Variants in RTN1 observed in about 807,000 individuals in gnomAD.
RTN1 encodes reticulon-1.
Under a neutral mutation model 65.5 loss-of-function variants are expected in RTN1, and 25 were observed. The ratio of observed to expected loss-of-function variants is 0.38; its 90% confidence interval spans 0.28 to 0.53. The LOEUF is 0.53. RTN1 is among the 20% of genes least tolerant of loss of function. RTN1 has a pLI of 0.79. For synonymous variants in RTN1, 471 were observed against 447.6 expected, an observed-to-expected ratio of 1.05 and a Z score of -0.66; for missense variants, 983 against 1,025.4, an observed-to-expected ratio of 0.96 and a Z score of 0.57.
At chr14:59,658,988 A>G (rs578160857) in intron 3 of RTN1, among the ~76,000 whole-genome samples, 2 of 152,246 alleles carry the variant, frequency 1.3e-5, no homozygotes, top group South Asian at 4.2e-4. Flanking sequence ...GAACCGTGAA[A>G]AAAGGTTAGA....
In RTN1 at chr14:59,727,646, CT is replaced by C; in HGVS notation, c.1037del (p.Gln346ArgfsTer11). 1 of 1,606,398 alleles carries C rather than the reference CT, an allele frequency of 6.2e-7. No homozygotes were observed. The highest frequency in any genetic ancestry group is 8.5e-7 in the Non-Finnish European group (1 of 1,176,034). Reference sequence around the variant, plus strand: ...CATCCTCGGAGATGCTGCCTTTCCCCTGGGATTCTGCAGCAGATGGTTCTGT... The same window carrying C: ...CATCCTCGGAGATGCTGCCTTTCCCCGGGATTCTGCAGCAGATGGTTCTGT... ...SGTEPSAAES[Q>X]GKGSISEDEL... On this transcript the variant is annotated frameshift_variant, in exon 3 of 9. Coordinates refer to ENST00000267484, the MANE Select transcript of RTN1 (RefSeq NM_021136.3). LOFTEE classifies it high-confidence loss of function. The surrounding 1 kb of genome is among the most constrained non-coding windows in gnomAD (Gnocchi z 4.2).
chr14:59,714,838 C>A (rs1053067341), intron 3 of RTN1, among the ~76,000 whole-genome samples: 8 of 152,214 alleles, frequency 5.3e-5, no homozygotes, highest in African/African-American at 1.9e-4. Context: ...AGGAACTGGG[C>A]CACACAGCAG....
chr14:59,672,887 G>A (rs187295085), intron 3 of RTN1, among the ~76,000 whole-genome samples: 90 of 151,486 alleles, frequency 5.9e-4, no homozygotes, highest in African/African-American at 2.0e-3. Flanking sequence ...TGATCCACCC[G>A]CCTCGGCCTC....
chr14:59,812,001 T>C (rs574714649), intron 1 of RTN1, among the ~76,000 whole-genome samples: 5 of 152,204 alleles, frequency 3.3e-5, no homozygotes, highest in Admixed American at 6.5e-5. Context: ...CACTGTGAAA[T>C]AGCATTCACT....
At chr14:59,749,599 CTATCTATATATATTTATATAGA>C (rs1566712325) in intron 1 of RTN1, among the ~76,000 whole-genome samples, 1 of 21,996 alleles carries the variant, frequency 4.5e-5, no homozygotes, top group East Asian at 1.4e-3. Flanking sequence ...ATATATATAT[CTATCTATATATATTTATATAGA>C]TATCTATATA....
intron 1 of RTN1, among the ~76,000 whole-genome samples, chr14:59,804,894 A>G (rs1445195065): frequency 6.6e-6 from 1 of 152,228 alleles, no homozygotes; most frequent in East Asian, 1.9e-4. Context: ...GAAAGACATT[A>G]TGGTATTTAG....
At chr14:59,671,677 T>C (rs189577715) in intron 3 of RTN1, among the ~76,000 whole-genome samples, 18 of 152,312 alleles carry the variant, frequency 1.2e-4, no homozygotes, top group South Asian at 6.2e-4. Context: ...TACCACCTAC[T>C]GACACTTTCT....
intron 1 of RTN1, among the ~76,000 whole-genome samples, chr14:59,747,370 G>A (rs1885249399): frequency 6.6e-6 from 1 of 152,238 alleles, no homozygotes; most frequent in Non-Finnish European, 1.5e-5. Context: ...AGCACTTTGG[G>A]AGGCCGAGGC....
intron 3 of RTN1, among the ~76,000 whole-genome samples, chr14:59,673,728 G>A (rs1381798221): frequency 2.6e-5 from 4 of 152,132 alleles, no homozygotes; most frequent in Non-Finnish European, 5.9e-5. Context: ...TGGGCACAGA[G>A]GTCCTCGCTC....
chr14:59,597,521 T>G (rs1168702012), intron 8 of RTN1, among the ~76,000 whole-genome samples: 1 of 152,234 alleles, frequency 6.6e-6, no homozygotes, highest in Non-Finnish European at 1.5e-5. Flanking sequence ...GAGACCTCCC[T>G]CTGTGCCATG....
chr14:59,689,972 G>A (rs1335698862), intron 3 of RTN1, among the ~76,000 whole-genome samples: 1 of 128,496 alleles, frequency 7.8e-6, no homozygotes, highest in African/African-American at 2.8e-5. Context: ...TATTAATCTT[G>A]AATGTAATTT....
At chr14:59,824,991 G>A (rs1164321137) in intron 1 of RTN1, among the ~76,000 whole-genome samples, 1 of 152,176 alleles carries the variant, frequency 6.6e-6, no homozygotes, top group East Asian at 1.9e-4. Context: ...CTGGGGGAGC[G>A]AGGAAATGGA....
At chr14:59,755,185 C>G (rs1490652538) in intron 1 of RTN1, among the ~76,000 whole-genome samples, 1 of 151,894 alleles carries the variant, frequency 6.6e-6, no homozygotes, top group African/African-American at 2.4e-5. Flanking sequence ...AGAAAAAAAA[C>G]AACAAATTAT....
chr14:59,637,013 A>G (rs1048309857), intron 3 of RTN1, among the ~76,000 whole-genome samples: 5 of 152,250 alleles, frequency 3.3e-5, no homozygotes, highest in African/African-American at 1.2e-4. Context: ...AGACAGCAGT[A>G]AAGTTTGCCA....
At chr14:59,844,936 C>T (rs186115647) in intron 1 of RTN1, among the ~76,000 whole-genome samples, 8 of 152,100 alleles carry the variant, frequency 5.3e-5, no homozygotes, top group Non-Finnish European at 7.4e-5. Context: ...TTAATATTTA[C>T]GGATGACAAA....
rs2139638579 is a variant in RTN1, at chr14:59,829,209, T to C, written c.241+41181A>G. Among the ~76,000 whole-genome samples, 1 of 152,294 alleles carries C rather than the reference T, an allele frequency of 6.6e-6. No individual in the cohort carries two copies. The highest frequency in any genetic ancestry group is 1.9e-4 in the East Asian group (1 of 5,184). The stretch of plus-strand genomic sequence containing the variant: ...CAATGTTTTGGGAGGGATTTAAGGA[T>C]GAATAAGATGTACTCTCTTAGGGAG... On this transcript the variant is annotated intron_variant, in intron 1 of 8. Coordinates refer to ENST00000267484, the MANE Select transcript of RTN1 (RefSeq NM_021136.3). The surrounding 1 kb of genome is among the most constrained non-coding windows in gnomAD (Gnocchi z 4.3).
At chr14:59,838,139 C>T (rs1887246733) in intron 1 of RTN1, among the ~76,000 whole-genome samples, 1 of 152,098 alleles carries the variant, frequency 6.6e-6, no homozygotes, top group African/African-American at 2.4e-5. Flanking sequence ...GTCAATTGTT[C>T]CTGTCTTTAT....
intron 3 of RTN1, among the ~76,000 whole-genome samples, chr14:59,692,855 A>C (rs1594681621): frequency 6.6e-6 from 1 of 152,122 alleles, no homozygotes; most frequent in Admixed American, 6.6e-5. Context: ...TGGAAAAAGG[A>C]CTCCCTATTC....
intron 1 of RTN1, among the ~76,000 whole-genome samples, chr14:59,756,284 A>G (rs902069614): frequency 6.6e-6 from 1 of 152,186 alleles, no homozygotes; most frequent in Non-Finnish European, 1.5e-5. Context: ...TTGAGAAACA[A>G]TCTTTTTTAG....
Sources: gnomAD v4.1 joint callset for allele counts (sites outside exome capture counted in the v4.1 genomes callset) on GRCh38, gnomAD v4.1.1 for gene constraint, Gnocchi (gnomAD v3.1) non-coding constraint, MANE v1.5 for transcripts, NCBI Gene and HGNC (gene_info 2026-07-23, HGNC 2026-07-21) for gene names.